EML3: variants seen among roughly 807,000 people sequenced by gnomAD.
The protein encoded by EML3 is EMAP like 3.
EML3 carries 53 observed loss-of-function variants against 106.7 expected under a neutral mutation model. That is an observed-to-expected ratio of 0.50 (90% confidence interval 0.40 to 0.62). The LOEUF (loss-of-function observed/expected upper bound fraction) is 0.62, where lower values mean the gene tolerates loss of function less well. Ranked by LOEUF, EML3 falls within the 20% of genes least tolerant of loss-of-function variation. EML3 has a pLI of 0.00. For synonymous variants in EML3, 499 were observed against 489.6 expected (o/e 1.02, Z -0.25); for missense variants, 994 against 1,209.1 (o/e 0.82, Z 2.64).
intron 16 of EML3, 114 bp from the exon 17 acceptor site, chr11:62,604,315 GAC>G: frequency 1.3e-6 from 1 of 758,474 alleles, no homozygotes; most frequent in Admixed American, 2.1e-5. Flanking sequence ...GAAGCTCAGA[GAC>G]ACACACAGAA....
At chr11:62,604,066 G>A (rs1942391141) in intron 17 of EML3, 25 bp from the exon 18 acceptor site, 1 of 1,613,996 alleles carries the variant, frequency 6.2e-7, no homozygotes, top group Non-Finnish European at 8.5e-7. Flanking sequence ...ACTCAGAGAG[G>A]GAAGGGCCAG....
At chr11:62,611,848 C>T in intron 1 of EML3, 1 of 549,512 alleles carries the variant, frequency 1.8e-6, no homozygotes, top group South Asian at 2.3e-5. Flanking sequence ...ACTGGGAGTA[C>T]CATGGAGTAC....
chr11:62,602,247 A>C lies in EML3; in HGVS notation c.*228T>G. On this transcript the variant is annotated 3_prime_UTR_variant, in exon 22 of 22. Coordinates refer to ENST00000394773, the MANE Select transcript of EML3 (RefSeq NM_153265.3). ...CTTTGGTTCTGGTTTATTGCCCCTCAGCAGGCAGCGGGAGTCAAGGCCTAG... is the reference window on the plus strand; with the variant it reads ...CTTTGGTTCTGGTTTATTGCCCCTCCGCAGGCAGCGGGAGTCAAGGCCTAG... 1 of 1,544,454 alleles carries C rather than the reference A, an allele frequency of 6.5e-7. No homozygotes were observed. Among genetic ancestry groups the C allele is most frequent in the East Asian group, 2.5e-5 (1 of 40,742 alleles).
rs1033386342 is a variant in EML3 at position 62,609,299 on chromosome 11, G to A, written c.758+55C>T. The A allele has an allele frequency of 2.1e-5, 33 of 1,541,388 alleles. No homozygotes were observed. The East Asian group carries it at 5.2e-4, about 24-fold the overall frequency. On this transcript the variant is annotated intron_variant, in intron 6 of 21. Coordinates refer to ENST00000394773, the MANE Select transcript of EML3 (RefSeq NM_153265.3). ...ACCCAGGAGGAAACTGTAAAGGTAAGAGGGGTCCCAAGGTGAGAAAGGTGG... is the reference window on the plus strand; with the variant it reads ...ACCCAGGAGGAAACTGTAAAGGTAAAAGGGGTCCCAAGGTGAGAAAGGTGG...
Position 62,605,554 on chromosome 11 carries a change from G to A in EML3, c.1914+88C>T, listed in dbSNP as rs1942464021. The stretch of plus-strand genomic sequence containing the variant: ...CAGTACAAACTGGCCACCTCTGGGA[G>A]GCAGAAGGCAAGGTGCTGGGGAAGG... On this transcript the variant is annotated intron_variant, in intron 15 of 21. Coordinates refer to ENST00000394773, the MANE Select transcript of EML3 (RefSeq NM_153265.3). This position sits in a 1 kb window ranked among gnomAD's most constrained non-coding sequence, Gnocchi z 5.2. 1 of 1,478,192 alleles carries A rather than the reference G, an allele frequency of 6.8e-7. No individual in the cohort carries two copies. The allele number at this position is 1,478,192 out of a possible 1,614,324, so 91.6% of individuals were successfully genotyped here. A position where few individuals can be genotyped will look rare whatever the true frequency, so the allele number is the denominator to read the frequency against.
intron 6 of EML3, 90 bp downstream of exon 6, chr11:62,609,264 G>T (rs1439506942): frequency 6.5e-6 from 10 of 1,546,104 alleles, no homozygotes; most frequent in Non-Finnish European, 8.7e-6. Context: ...AAGGCTCCTT[G>T]TCCCCACAGA....
Position 62,606,174 on chromosome 11 carries a change from A to T in EML3, c.1545T>A (p.Gly515=). The part of the protein sequence containing the change: ...GIVAQAHAHE[G]SIFALCLRRD... The stretch of plus-strand genomic sequence containing the variant: ...TCCGGAGACACAAGGCGAAGATAGA[A>T]CCTTCATGAGCGTGAGCCTGGGCCA... The change falls in exon 13 of 22, where the codon GGT becomes GGA. Residue 515 remains glycine (G), a synonymous_variant. Coordinates refer to ENST00000394773, the MANE Select transcript of EML3 (RefSeq NM_153265.3). 1 of 1,613,952 alleles carries T rather than the reference A, an allele frequency of 6.2e-7. No homozygotes were observed. Among genetic ancestry groups the T allele is most frequent in the Non-Finnish European group, 8.5e-7 (1 of 1,180,018 alleles).
Position 62,605,016 on chromosome 11 carries a change from C to A in EML3, c.1982+97G>T, listed in dbSNP as rs1390289190. The A allele has an allele frequency of 1.5e-5, 19 of 1,291,600 alleles. No homozygotes were observed. The highest frequency in any genetic ancestry group is 1.9e-5 in the Non-Finnish European group (18 of 952,148). The allele number at this position is 1,291,600 out of a possible 1,614,324, so 80.0% of individuals were successfully genotyped here. On this transcript the variant is annotated intron_variant, in intron 16 of 21. Transcript: ENST00000394773. The surrounding 1 kb of genome is among the most constrained non-coding windows in gnomAD (Gnocchi z 5.2). ...AGGAGTGCCAAGGCGCAGGTGGCTC[C>A]TGGGTAGAGGTGGTCACTCTCGCCC...
chr11:62,602,383 G>C lies in EML3; in HGVS notation c.*92C>G, dbSNP rs1283527043. 6.5e-7 allele frequency: 1 copy of C among 1,547,362 alleles called. No homozygotes were observed. Among genetic ancestry groups the C allele is most frequent in the Non-Finnish European group, 8.7e-7 (1 of 1,144,570 alleles). ...AATGTCTCGAAGTCAGTCCAGGAAA[G>C]AGTCGGCCCCTAGTCGTGGGGGATT... On this transcript the variant is annotated 3_prime_UTR_variant, in exon 22 of 22. Transcript: ENST00000394773.
chr11:62,607,561 C>A, intron 11 of EML3, 105 bp downstream of exon 11: 2 of 1,317,004 alleles, frequency 1.5e-6, no homozygotes, highest in Non-Finnish European at 2.1e-6. Context: ...AAAAAGGTCA[C>A]AGGGGCAGGT....
intron 11 of EML3, chr11:62,607,413 G>A (rs1374775108): frequency 6.3e-6 from 3 of 474,072 alleles, no homozygotes; most frequent in African/African-American, 3.9e-5. Context: ...GCGCGCATCT[G>A]TAATCCCAGC....
intron 6 of EML3, 54 bp from the exon 7 acceptor site, chr11:62,609,186 A>G (rs1460633907): frequency 1.2e-6 from 2 of 1,606,260 alleles, no homozygotes; most frequent in Middle Eastern, 1.6e-4. Context: ...AGGAGGAGGA[A>G]GAGGGGAGAA....
Position 62,603,038 on chromosome 11 carries a change from A to C in EML3, c.2356+111T>G, listed in dbSNP as rs972540994. The C allele has an allele frequency of 4.1e-6, 6 of 1,448,988 alleles. No individual in the cohort carries two copies. The Admixed American group carries it at 9.5e-5, about 23-fold the overall frequency. 89.8% of individuals were successfully genotyped at this position (1,448,988 alleles called of 1,614,324 possible). ...GGTCCCGAGGGGCCTCCTGGGCTGG[A>C]TCTTCAGGTTTCTGGACTCTCACCC... is the stretch of plus-strand genomic sequence containing the variant. On this transcript the variant is annotated intron_variant, in intron 20 of 21. Transcript: ENST00000394773.
intron 12 of EML3, 46 bp downstream of exon 12, chr11:62,606,912 A>T: frequency 1.3e-6 from 2 of 1,565,892 alleles, no homozygotes; most frequent in Non-Finnish European, 1.7e-6. Flanking sequence ...TTCCCACAGA[A>T]CCTCTGGAGT....
In EML3 at chr11:62,609,418, C is replaced by T. The variant is rs1942699242; in HGVS notation, c.694G>A (p.Gly232Ser). 1.9e-6 allele frequency: 3 copies of T among 1,602,608 alleles called. No individual in the cohort carries two copies. The highest frequency in any genetic ancestry group is 1.7e-6 in the Non-Finnish European group (2 of 1,174,000). ...GRPITMYIPS[G>S]IRSLEELPSG... ...GGCAGCTCCTCAAGGCTGCGGATGC[C>T]AGACGGGATGTACATGGTAATGGGG... The change falls in exon 6 of 22, where the codon GGC becomes AGC. Residue 232 changes from glycine to serine, a missense_variant. Gly to Ser is a moderately conservative substitution (Grantham distance 56, BLOSUM62 0). Around this residue, in one of 3 missense-constraint regions of EML3, gnomAD observed 713 missense variants for 920.5 expected, o/e 0.77. Transcript: ENST00000394773.
chr11:62,604,532 C>T (rs1051763312), intron 16 of EML3, among the ~76,000 whole-genome samples: 5 of 152,094 alleles, frequency 3.3e-5, no homozygotes, highest in African/African-American at 1.2e-4. Context: ...TGCGTACCAC[C>T]ATGCCCGTCT....
Position 62,607,831 on chromosome 11 carries a change from A to C in EML3, c.1207-10T>G. The C allele has an allele frequency of 6.2e-7, 1 of 1,611,332 alleles. No homozygotes were observed. On this transcript the variant is annotated splice_polypyrimidine_tract_variant and intron_variant, in intron 10 of 21. Coordinates refer to ENST00000394773, the MANE Select transcript of EML3 (RefSeq NM_153265.3). ...CTGAGTCATTTGTACTCTGAAGGGA[A>C]GACACTAGATTCAGCCACCCCAAGC...
chr11:62,605,069 A>C lies in EML3; in HGVS notation c.1982+44T>G. ...TCCCCCAGTACCAGGAACCCTTCCC[A>C]GTCCTCCCTGCTTTCCCTCCTGGGA... On this transcript the variant is annotated intron_variant, in intron 16 of 21. Coordinates refer to ENST00000394773, the MANE Select transcript of EML3 (RefSeq NM_153265.3). The surrounding 1 kb of genome is among the most constrained non-coding windows in gnomAD (Gnocchi z 5.2). 1 of 1,585,698 alleles carries C rather than the reference A, an allele frequency of 6.3e-7. No homozygotes were observed. The highest frequency in any genetic ancestry group is 1.1e-5 in the South Asian group (1 of 87,654).
intron 12 of EML3, 82 bp downstream of exon 12, chr11:62,606,876 A>G: frequency 1.7e-6 from 2 of 1,200,264 alleles, no homozygotes; most frequent in South Asian, 1.6e-5. Flanking sequence ...AAAAAAAAAG[A>G]TGGGAATGGG....
Sources: gnomAD v4.1 joint callset for allele counts (sites outside exome capture counted in the v4.1 genomes callset) on GRCh38, gnomAD v4.1.1 for gene constraint, gnomAD v4.1.1 regional missense constraint, Gnocchi (gnomAD v3.1) non-coding constraint, MANE v1.5 for transcripts, NCBI Gene and HGNC (gene_info 2026-07-23, HGNC 2026-07-21) for gene names.